CACNA1A: variants seen among roughly 807,000 people sequenced by gnomAD.
CACNA1A encodes calcium voltage-gated channel subunit alpha1 A, also known as voltage-dependent P/Q-type calcium channel subunit alpha-1A.
A neutral mutation model predicts 262.4 loss-of-function variants in CACNA1A; 57 were observed. The ratio of observed to expected loss-of-function variants is 0.22; its 90% CI spans 0.18 to 0.27. CACNA1A has a LOEUF of 0.27. Ranked by LOEUF, CACNA1A falls within the 10% of genes least tolerant of loss-of-function variation. CACNA1A has a pLI of 1.00. For missense variants in CACNA1A, 2,526 were observed against 3,562.8 expected (o/e 0.71, Z 7.41); for synonymous variants, 1,431 against 1,419.3 (o/e 1.01, Z -0.18).
intron 3 of CACNA1A, among the ~76,000 whole-genome samples, chr19:13,430,221 T>A (rs913067846): frequency 2.3e-5 from 3 of 130,340 alleles, no homozygotes; most frequent in Non-Finnish European, 5.1e-5. Context: ...ATATATATTT[T>A]TTGAGACAGA....
chr19:13,322,592 T>C lies in CACNA1A; in HGVS notation c.1346-5271A>G, dbSNP rs537466308. Among the ~76,000 whole-genome samples the C allele has an allele frequency of 5.9e-5, 8 of 136,320 alleles. No homozygotes were observed. The South Asian group carries it at 2.0e-3, about 35-fold the overall frequency. The allele number at this position is 136,320 out of a possible 152,430, so 89.4% of individuals were successfully genotyped here. A position where few individuals can be genotyped will look rare whatever the true frequency, so the allele number is the denominator to read the frequency against. On this transcript the variant is annotated intron_variant, in intron 10 of 46. Transcript: ENST00000360228. ...CATCCTTGCCAGCACTTGTTATGATTTGTCTTTTTTTTTTTTCTTGTAAGA... is the reference window on the plus strand; with the variant it reads ...CATCCTTGCCAGCACTTGTTATGATCTGTCTTTTTTTTTTTTCTTGTAAGA...
rs1262174856 is a variant in CACNA1A at position 13,207,930 on chromosome 19, C to T, written c.6904G>A (p.Val2302Met). The T allele has an allele frequency of 1.4e-6, 2 of 1,444,312 alleles. No homozygotes were observed. The highest frequency in any genetic ancestry group is 5.4e-5 in the Admixed American group (2 of 37,358). The allele number at this position is 1,444,312 out of a possible 1,614,324, so 89.5% of individuals were successfully genotyped here. A position where few individuals can be genotyped will look rare whatever the true frequency, so the allele number is the denominator to read the frequency against. Residue 2302 changes from valine (V) to methionine (M), a missense_variant, in exon 47 of 47, where the codon GTG becomes ATG. This residue lies in a region of CACNA1A where 929 missense variants were observed against 868.1 expected (regional missense o/e 1.07). Coordinates refer to ENST00000360228, the MANE Select transcript of CACNA1A (RefSeq NM_001127222.2). This position sits in a 1 kb window ranked among gnomAD's most constrained non-coding sequence, Gnocchi z 5.7. ...TPRPHVSYSP[V>M]IRKAGGSGPP... ...CCCGAGCCGCCGGCCTTACGGATCA[C>T]AGGGGAATAGGACACGTGTGGCCGG...
In CACNA1A at chr19:13,244,729, T is replaced by G. The variant is rs112419966; in HGVS notation, c.4950+453A>C. The G allele has an allele frequency of 4.4e-3, 688 of 157,098 alleles. 2 individuals are homozygous for G. Among genetic ancestry groups the G allele is most frequent in the Non-Finnish European group, 5.6e-3 (398 of 70,918 alleles). 9.7% of individuals were successfully genotyped at this position (157,098 alleles called of 1,614,324 possible). A position where few individuals can be genotyped will look rare whatever the true frequency, so the allele number is the denominator to read the frequency against. On this transcript the variant is annotated intron_variant, in intron 31 of 46. Transcript: ENST00000360228. ...GACCCCTCTATGGCCCTGGGAGTGG[T>G]GTCCCCACACTGGCCTGAGGGCTGT... is the stretch of plus-strand genomic sequence containing the variant.
intron 36 of CACNA1A, among the ~76,000 whole-genome samples, chr19:13,227,940 G>GTC (rs147481169): frequency 0.22 from 29,164 of 132,218 alleles, 3,873 homozygotes; most frequent in East Asian, 0.68. Flanking sequence ...AAGAGACAGG[G>GTC]TCTCTCTCTG....
At chr19:13,326,853 T>C (rs1025272468) in intron 10 of CACNA1A, among the ~76,000 whole-genome samples, 8 of 151,320 alleles carry the variant, frequency 5.3e-5, no homozygotes, top group African/African-American at 1.7e-4. Context: ...AAATACCACA[T>C]AGCTCCCACC....
At chr19:13,460,106 G>A (rs1051260129) in intron 1 of CACNA1A, among the ~76,000 whole-genome samples, 1 of 152,038 alleles carries the variant, frequency 6.6e-6, no homozygotes, top group African/African-American at 2.4e-5. Context: ...TGCCCCAGAT[G>A]GACATCTGCA....
chr19:13,236,326 A>ACCCTG lies in CACNA1A; in HGVS notation c.4951-601_4951-597dup, dbSNP rs888973255. The ACCCTG allele has an allele frequency of 6.5e-5, 10 of 154,126 alleles. No homozygotes were observed. The East Asian group carries it at 7.7e-4, about 12-fold the overall frequency. 9.5% of individuals were successfully genotyped at this position (154,126 alleles called of 1,614,324 possible). ...GCATCTGTCACGGGACTCACCGGGC[A>ACCCTG]CCCTGCCCTGCCCTGCCCTGCCGAG... On this transcript the variant is annotated intron_variant, in intron 31 of 46. Coordinates refer to ENST00000360228, the MANE Select transcript of CACNA1A (RefSeq NM_001127222.2). This position sits in a 1 kb window ranked among gnomAD's most constrained non-coding sequence, Gnocchi z 4.6.
chr19:13,377,654 T>C (rs1163295436), intron 3 of CACNA1A, among the ~76,000 whole-genome samples: 1 of 151,334 alleles, frequency 6.6e-6, no homozygotes, highest in Admixed American at 6.6e-5. Context: ...TGAGCCACCA[T>C]GCCCAGCCAC....
chr19:13,257,467 G>A lies in CACNA1A; in HGVS notation c.4473C>T (p.Val1491=), dbSNP rs2056601435. The A allele has an allele frequency of 1.2e-6, 2 of 1,613,496 alleles. No homozygotes were observed. Among genetic ancestry groups the A allele is most frequent in the Non-Finnish European group, 1.7e-6 (2 of 1,179,616 alleles). The part of the protein sequence containing the change: ...GYRMEMSIFY[V]VYFVVFPFFF... ...AGAAGGGGAACACCACAAAGTAGAC[G>A]ACGTAGAAAATGGACATCTCCATGC... Residue 1491 remains valine, a synonymous_variant, in exon 28 of 47, where the codon GTC becomes GTT. Coordinates refer to ENST00000360228, the MANE Select transcript of CACNA1A (RefSeq NM_001127222.2).
At chr19:13,232,345 A>G (rs573488010) in intron 34 of CACNA1A, among the ~76,000 whole-genome samples, 145 of 151,710 alleles carry the variant, frequency 9.6e-4, no homozygotes, top group Non-Finnish European at 1.3e-3. Context: ...CTACAGGCAC[A>G]CGCCACCACT....
At chr19:13,266,844 G>A (rs1401769602) in intron 24 of CACNA1A, among the ~76,000 whole-genome samples, 2 of 152,190 alleles carry the variant, frequency 1.3e-5, no homozygotes, top group African/African-American at 4.8e-5. Context: ...CAAAATGCTG[G>A]GATTAGAGGC....
intron 3 of CACNA1A, among the ~76,000 whole-genome samples, chr19:13,374,380 T>C (rs916055674): frequency 1.3e-5 from 2 of 152,242 alleles, no homozygotes; most frequent in African/African-American, 2.4e-5. Flanking sequence ...CCTAAGCAGC[T>C]GGGACTACAG....
At chr19:13,238,575 G>A (rs1411705312) in intron 31 of CACNA1A, among the ~76,000 whole-genome samples, 5 of 138,530 alleles carry the variant, frequency 3.6e-5, no homozygotes, top group African/African-American at 1.4e-4. Flanking sequence ...CCTTGCACTC[G>A]CTCACCTCTA....
At chr19:13,477,600 A>G (rs1455948802) in intron 1 of CACNA1A, among the ~76,000 whole-genome samples, 4 of 152,204 alleles carry the variant, frequency 2.6e-5, no homozygotes, top group Non-Finnish European at 5.9e-5. Context: ...GTTCCTTATT[A>G]TTATTCACAC....
At position 13,291,939 on chromosome 19, in the gene CACNA1A, G is replaced by A. The variant is rs73511465; in HGVS notation, c.3090-4973C>T. On this transcript the variant is annotated intron_variant, in intron 19 of 46. Transcript: ENST00000360228. Reference sequence around the variant, plus strand: ...CAGCATCTCTCTTCCTGTTCCTTTTGGGGAGCAGGTTGTCATGGTGACAGA... The same window carrying A: ...CAGCATCTCTCTTCCTGTTCCTTTTAGGGAGCAGGTTGTCATGGTGACAGA... Among the ~76,000 whole-genome samples, 987 of 152,242 alleles carry A rather than the reference G, an allele frequency of 6.5e-3. 15 individuals carry two copies. Among genetic ancestry groups the A allele is most frequent in the African/African-American group, 0.023 (945 of 41,538 alleles).
chr19:13,319,175 T>C (rs62109072), intron 10 of CACNA1A, among the ~76,000 whole-genome samples: 13,676 of 152,284 alleles, frequency 0.09, 746 homozygotes, highest in South Asian at 0.19. Flanking sequence ...GATTCCAGCA[T>C]GAATTACCAT....
chr19:13,338,090 G>T (rs915723934), intron 6 of CACNA1A, among the ~76,000 whole-genome samples: 1 of 152,108 alleles, frequency 6.6e-6, no homozygotes, highest in Non-Finnish European at 1.5e-5. Flanking sequence ...GCCTGGTGAC[G>T]GGCGCCTGTA....
intron 8 of CACNA1A, chr19:13,333,741 C>T (rs1352548558): frequency 6.6e-6 from 1 of 152,262 alleles, no homozygotes; most frequent in African/African-American, 2.4e-5. Flanking sequence ...GGCCAACTTC[C>T]TACTCTGTTT....
rs577385429 is a variant in CACNA1A, at chr19:13,365,485, G to A, written c.632-16C>T. 1.9e-6 allele frequency: 3 copies of A among 1,612,258 alleles called. No homozygotes were observed. In the South Asian group the frequency reaches 3.3e-5, roughly 18 times the overall value. ...ACTTGTAAACCTGGGGGGACACAGA[G>A]AGAGGCCCCATAAGCCCATGAGCAA... On this transcript the variant is annotated splice_polypyrimidine_tract_variant and intron_variant, in intron 4 of 46. Coordinates refer to ENST00000360228, the MANE Select transcript of CACNA1A (RefSeq NM_001127222.2).
Sources: allele counts gnomAD v4.1 joint callset (sites outside exome capture counted in the v4.1 genomes callset), GRCh38; gene constraint gnomAD v4.1.1; regional missense constraint gnomAD v4.1.1; non-coding constraint Gnocchi (gnomAD v3.1); transcripts MANE v1.5; gene names NCBI Gene and HGNC (gene_info 2026-07-23, HGNC 2026-07-21).